NRP1: variants seen among roughly 807,000 people sequenced by gnomAD.
NRP1 encodes neuropilin 1.
Under a neutral mutation model 106.7 loss-of-function variants are expected in NRP1, and 35 were observed. That is an observed-to-expected ratio of 0.33 (90% CI 0.25 to 0.43). The LOEUF (loss-of-function observed/expected upper bound fraction) is 0.43, where lower values mean the gene tolerates loss of function less well. Ranked by LOEUF, NRP1 falls within the 20% of genes least tolerant of loss-of-function variation. The pLI, the probability that NRP1 is intolerant of heterozygous loss-of-function variation, is 1.00. For synonymous variants in NRP1, 437 were observed against 417.9 expected (o/e 1.05, Z -0.56); for missense variants, 1,024 against 1,170.4 (o/e 0.87, Z 1.83).
intron 2 of NRP1, among the ~76,000 whole-genome samples, chr10:33,275,062 C>T (rs1395563146): frequency 6.6e-6 from 1 of 152,114 alleles, no homozygotes. Flanking sequence ...TAAAAATATA[C>T]AATGGTGGAG....
At position 33,185,615 on chromosome 10, in the gene NRP1, A is replaced by T. The variant is rs1046506549; in HGVS notation, c.2431+13T>A. On this transcript the variant is annotated intron_variant, in intron 15 of 16. Transcript: ENST00000374867. ...CAAGCACTCCATTGGTTTCTACAGC[A>T]GCTCATACTTACTTGCACAATCTTC... 1 of 1,583,398 alleles carries T rather than the reference A, an allele frequency of 6.3e-7. No homozygotes were observed. The highest frequency in any genetic ancestry group is 1.3e-5 in the African/African-American group (1 of 74,340).
chr10:33,270,245 T>C (rs1408326237), intron 3 of NRP1, among the ~76,000 whole-genome samples: 1 of 152,220 alleles, frequency 6.6e-6, no homozygotes, highest in Admixed American at 6.5e-5. Flanking sequence ...ATAATGAGGA[T>C]ATATGTTTTA....
At chr10:33,271,191 G>T (rs554797594) in intron 2 of NRP1, among the ~76,000 whole-genome samples, 14 of 152,290 alleles carry the variant, frequency 9.2e-5, no homozygotes, top group African/African-American at 3.1e-4. Flanking sequence ...GTGTTCCTTT[G>T]TCTATGGTGG....
At chr10:33,272,173 C>A (rs532509846) in intron 2 of NRP1, among the ~76,000 whole-genome samples, 1 of 152,148 alleles carries the variant, frequency 6.6e-6, no homozygotes, top group Admixed American at 6.5e-5. Flanking sequence ...ACAACTGCAA[C>A]GATGCTATCA....
At chr10:33,291,496 T>A (rs1283236127) in intron 2 of NRP1, among the ~76,000 whole-genome samples, 1 of 152,214 alleles carries the variant, frequency 6.6e-6, no homozygotes, top group Non-Finnish European at 1.5e-5. Flanking sequence ...CACTGTAATT[T>A]GGAGACAAGA....
In NRP1 at chr10:33,267,349, G is replaced by C. The variant is rs1424607221; in HGVS notation, c.430+3326C>G. On this transcript the variant is annotated intron_variant, in intron 3 of 16. Transcript: ENST00000374867. ...GGCCAACAGCCCTGGGTGCCTAGGA[G>C]TAAGTGGCACTCACACAGGCATTTG... 2.0e-5 allele frequency among the ~76,000 whole-genome samples: 3 copies of C among 152,312 alleles called. No individual in the cohort carries two copies. In the East Asian group the frequency reaches 5.8e-4, roughly 29 times the overall value.
chr10:33,282,064 T>G (rs1225353158), intron 2 of NRP1, among the ~76,000 whole-genome samples: 6 of 152,108 alleles, frequency 3.9e-5, no homozygotes, highest in Admixed American at 1.3e-4. Flanking sequence ...CTCTCAAAGC[T>G]CAATCAATTA....
chr10:33,302,776 A>C (rs1295256227), intron 2 of NRP1, among the ~76,000 whole-genome samples: 1 of 152,212 alleles, frequency 6.6e-6, no homozygotes, highest in East Asian at 1.9e-4. Context: ...CTGCATGAAG[A>C]GCCCCAGCAA....
At chr10:33,202,578 CT>C (rs1837418407) in intron 11 of NRP1, 3 of 1,424,092 alleles carry the variant, frequency 2.1e-6, no homozygotes, top group African/African-American at 1.5e-5. Flanking sequence ...GGGGGGGGGT[CT>C]GAAAATAATG....
intron 11 of NRP1, chr10:33,201,646 G>A (rs1837317315): frequency 6.6e-6 from 1 of 152,166 alleles, no homozygotes; most frequent in Non-Finnish European, 1.5e-5. Context: ...GCTTGTGGCT[G>A]CTTGTATACA....
rs11009316 is a variant in NRP1 at position 33,246,688 on chromosome 10, T to C, written c.981+7340A>G. Among the ~76,000 whole-genome samples, 127 of 152,290 alleles carry C rather than the reference T, an allele frequency of 8.3e-4. No homozygotes were observed. The East Asian group carries it at 0.02, about 24-fold the overall frequency. On this transcript the variant is annotated intron_variant, in intron 6 of 16. Transcript: ENST00000374867. ...TTGCCAACACTGTATTTTACATGCA[T>C]CATTCCACATTTGGGTAACCCAGTG...
At chr10:33,221,622 T>A in intron 8 of NRP1, 97 bp downstream of exon 8, 1 of 1,293,170 alleles carries the variant, frequency 7.7e-7, no homozygotes, top group Non-Finnish European at 1.1e-6. Context: ...ATGATTGCAT[T>A]TACAAACTTA....
intron 2 of NRP1, among the ~76,000 whole-genome samples, chr10:33,275,623 C>T (rs1188260010): frequency 6.6e-6 from 1 of 151,682 alleles, no homozygotes; most frequent in Non-Finnish European, 1.5e-5. Flanking sequence ...TCAGGCCAGG[C>T]GTGGAGGCTC....
chr10:33,286,050 A>G (rs1035623920), intron 2 of NRP1, among the ~76,000 whole-genome samples: 2 of 152,072 alleles, frequency 1.3e-5, no homozygotes, highest in African/African-American at 4.8e-5. Context: ...GACTGCATTT[A>G]ATTCCTCTTC....
At chr10:33,302,536 G>T (rs914519265) in intron 2 of NRP1, among the ~76,000 whole-genome samples, 1 of 152,190 alleles carries the variant, frequency 6.6e-6, no homozygotes, top group African/African-American at 2.4e-5. Flanking sequence ...TCTGTTGGAG[G>T]GTACATTACT....
At chr10:33,244,250 G>T (rs1189338962) in intron 6 of NRP1, among the ~76,000 whole-genome samples, 1 of 152,062 alleles carries the variant, frequency 6.6e-6, no homozygotes, top group African/African-American at 2.4e-5. Flanking sequence ...TTCAAATTAC[G>T]ATATGAAAGT....
At chr10:33,182,896 C>G (rs1835776534) in intron 15 of NRP1, 148 bp from the exon 16 acceptor site, 2 of 700,142 alleles carry the variant, frequency 2.9e-6, no homozygotes, top group Non-Finnish European at 5.0e-6. Flanking sequence ...TTTTTTAGTT[C>G]AATCAGAAAT....
At chr10:33,220,321 GAAAAATGGAAT>G (rs1353851356) in intron 8 of NRP1, among the ~76,000 whole-genome samples, 1 of 151,970 alleles carries the variant, frequency 6.6e-6, no homozygotes, top group Non-Finnish European at 1.5e-5. Flanking sequence ...AGGATAAACA[GAAAAATGGAAT>G]AAAAAATTAA....
chr10:33,210,264 T>C (rs892325507), intron 9 of NRP1, among the ~76,000 whole-genome samples: 5 of 152,144 alleles, frequency 3.3e-5, no homozygotes, highest in African/African-American at 9.7e-5. Flanking sequence ...TTGCTGCCAG[T>C]AATTGAGACT....
Sources: allele counts gnomAD v4.1 joint callset (sites outside exome capture counted in the v4.1 genomes callset), GRCh38; gene constraint gnomAD v4.1.1; transcripts MANE v1.5; gene names NCBI Gene and HGNC (gene_info 2026-07-23, HGNC 2026-07-21).